MACROH2A2: variants seen among roughly 807,000 people sequenced by gnomAD.
MACROH2A2 encodes the protein core histone macro-H2A.2.
Under a neutral mutation model 37.6 loss-of-function variants are expected in MACROH2A2, and 6 were observed. The ratio of observed to expected loss-of-function variants is 0.16; its 90% CI spans 0.09 to 0.32. The LOEUF is 0.32. MACROH2A2 is among the 10% of genes least tolerant of loss of function. The pLI, the probability that MACROH2A2 is intolerant of heterozygous loss-of-function variation, is 1.00. For missense variants in MACROH2A2, 290 were observed against 485.9 expected (o/e 0.60, Z 3.79); for synonymous variants, 192 against 202.7 (o/e 0.95, Z 0.45).
At chr10:70,074,741 A>C (rs1050229435) in intron 1 of MACROH2A2, among the ~76,000 whole-genome samples, 1 of 152,208 alleles carries the variant, frequency 6.6e-6, no homozygotes, top group Non-Finnish European at 1.5e-5. Flanking sequence ...GTCTACTGCC[A>C]TATAAGACGT....
Position 70,053,853 on chromosome 10 carries a change from A to G in MACROH2A2, c.-60+853A>G, listed in dbSNP as rs1424934388. Among the ~76,000 whole-genome samples, 4 of 152,200 alleles carry G rather than the reference A, an allele frequency of 2.6e-5. No individual in the cohort carries two copies. In the East Asian group the frequency reaches 7.8e-4, roughly 30 times the overall value. On this transcript the variant is annotated intron_variant, in intron 1 of 8. Coordinates refer to ENST00000373255, the MANE Select transcript of MACROH2A2 (RefSeq NM_018649.3). The surrounding 1 kb of genome is among the most constrained non-coding windows in gnomAD (Gnocchi z 4.8). ...ATAATAATAATAAAAATATCGAAAA[A>G]GGGAATAAAAGTAAACTGGCTGCGG...
At chr10:70,092,648 AG>A (rs1404337204) in intron 4 of MACROH2A2, among the ~76,000 whole-genome samples, 2 of 152,196 alleles carry the variant, frequency 1.3e-5, no homozygotes, top group Non-Finnish European at 2.9e-5. Context: ...TACAGGTAAA[AG>A]AATAAAGGGC....
chr10:70,095,824 A>G, intron 6 of MACROH2A2, 71 bp downstream of exon 6: 2 of 759,538 alleles, frequency 2.6e-6, no homozygotes, highest in Non-Finnish European at 2.4e-6. Context: ...TGTGAAGCTG[A>G]TCATTGTCAA....
At chr10:70,092,012 T>G (rs2072248265) in intron 4 of MACROH2A2, 58 bp downstream of exon 4, 3 of 1,355,040 alleles carry the variant, frequency 2.2e-6, no homozygotes, top group Non-Finnish European at 3.1e-6. Context: ...TCTGAATGTC[T>G]GTGTTCCCCC....
chr10:70,089,085 C>G (rs2072228186), intron 2 of MACROH2A2, among the ~76,000 whole-genome samples: 1 of 152,184 alleles, frequency 6.6e-6, no homozygotes, highest in Non-Finnish European at 1.5e-5. Flanking sequence ...GCCTGGGCAA[C>G]AGAACGAGCA....
chr10:70,096,089 C>CCCTCGGCCTCCTCCTTTGGCCCTG (rs2072274994), intron 6 of MACROH2A2, among the ~76,000 whole-genome samples: 1 of 152,158 alleles, frequency 6.6e-6, no homozygotes, highest in Non-Finnish European at 1.5e-5. Context: ...AGCCCCACTC[C>CCCTCGGCCTCCTCCTTTGGCCCTG]CAGTCAGTAT....
chr10:70,097,681 A>G (rs913970782), intron 6 of MACROH2A2, among the ~76,000 whole-genome samples: 11 of 152,204 alleles, frequency 7.2e-5, no homozygotes, highest in African/African-American at 2.7e-4. Context: ...ATATTTCACA[A>G]TGACTTGTAA....
chr10:70,109,131 A>G lies in MACROH2A2; in HGVS notation c.877A>G (p.Thr293Ala), dbSNP rs749738000. 1.2e-6 allele frequency: 2 copies of G among 1,614,120 alleles called. No homozygotes were observed. Among genetic ancestry groups the G allele is most frequent in the South Asian group, 1.1e-5 (1 of 91,078 alleles). The change falls in exon 8 of 9, where the codon ACC becomes GCC. Residue 293 changes from threonine (T) to alanine (A), a missense_variant. This residue lies in a region of MACROH2A2 where 130 missense variants were observed against 257.1 expected (regional missense o/e 0.51). Coordinates refer to ENST00000373255, the MANE Select transcript of MACROH2A2 (RefSeq NM_018649.3). The part of the protein sequence containing the change: ...SDKCEEQLEE[T>A]IKNCLSAAED... ...CAAATGTGAAGAACAGCTTGAAGAG[A>G]CCATCAAAAACTGCCTGTCAGCGGC...
intron 2 of MACROH2A2, among the ~76,000 whole-genome samples, chr10:70,081,733 C>T (rs997459914): frequency 2.6e-5 from 4 of 152,038 alleles, no homozygotes; most frequent in Admixed American, 2.6e-4. Flanking sequence ...ACTCTTCACA[C>T]TCAAAGTAGT....
In MACROH2A2 at chr10:70,107,738, C is replaced by A. The variant is rs1247760075; in HGVS notation, c.779-1295C>A. 6.6e-6 allele frequency among the ~76,000 whole-genome samples: 1 copy of A among 152,210 alleles called. No homozygotes were observed. Among genetic ancestry groups the A allele is most frequent in the Non-Finnish European group, 1.5e-5 (1 of 68,040 alleles). On this transcript the variant is annotated intron_variant, in intron 7 of 8. Coordinates refer to ENST00000373255, the MANE Select transcript of MACROH2A2 (RefSeq NM_018649.3). The surrounding 1 kb of genome is among the most constrained non-coding windows in gnomAD (Gnocchi z 4.4). ...CCCGCTTTTGAAACCCCACTCTCTG[C>A]AGGGCATGTGGAGATCATCAAATGG...
intron 2 of MACROH2A2, among the ~76,000 whole-genome samples, chr10:70,081,381 C>T (rs995577277): frequency 6.6e-6 from 1 of 151,948 alleles, no homozygotes; most frequent in Admixed American, 6.6e-5. Context: ...TGTGTTAAGG[C>T]AGTGGAAGTG....
chr10:70,084,927 A>G (rs999442678), intron 2 of MACROH2A2, among the ~76,000 whole-genome samples: 1 of 152,142 alleles, frequency 6.6e-6, no homozygotes, highest in African/African-American at 2.4e-5. Flanking sequence ...AAAGGTACCT[A>G]TTGGGTCACC....
intron 4 of MACROH2A2, among the ~76,000 whole-genome samples, chr10:70,093,440 C>T (rs1289578502): frequency 2.0e-5 from 3 of 152,142 alleles, no homozygotes; most frequent in Non-Finnish European, 4.4e-5. Context: ...TGCTTGTCGT[C>T]GTGAGCTGCA....
rs552262319 is a variant in MACROH2A2 at position 70,102,010 on chromosome 10, C to T, written c.778+1713C>T. ...CAACTTTTTGACAGGTGGATTCAAC[C>T]TCAGATCCATGTTCCCACCCACATG... On this transcript the variant is annotated intron_variant, in intron 7 of 8. Coordinates refer to ENST00000373255, the MANE Select transcript of MACROH2A2 (RefSeq NM_018649.3). Among the ~76,000 whole-genome samples, 31 of 152,308 alleles carry T rather than the reference C, an allele frequency of 2.0e-4. No individual in the cohort carries two copies. The South Asian group carries it at 6.2e-3, about 31-fold the overall frequency.
intron 2 of MACROH2A2, among the ~76,000 whole-genome samples, chr10:70,082,491 G>A (rs187523824): frequency 6.6e-6 from 1 of 152,096 alleles, no homozygotes; most frequent in Non-Finnish European, 1.5e-5. Flanking sequence ...GTGCAACCAT[G>A]TTCTTAGCAG....
intron 2 of MACROH2A2, among the ~76,000 whole-genome samples, chr10:70,083,932 A>G (rs1262495731): frequency 6.6e-6 from 1 of 151,788 alleles, no homozygotes; most frequent in African/African-American, 2.4e-5. Flanking sequence ...ACAAGCCCCA[A>G]ATTCTGCAGT....
chr10:70,093,174 C>A (rs1305053820), intron 4 of MACROH2A2, among the ~76,000 whole-genome samples: 1 of 152,100 alleles, frequency 6.6e-6, no homozygotes, highest in African/African-American at 2.4e-5. Flanking sequence ...GGCACACAAG[C>A]CAAGGCTATT....
chr10:70,069,814 C>T (rs2072099050), intron 1 of MACROH2A2, among the ~76,000 whole-genome samples: 1 of 151,698 alleles, frequency 6.6e-6, no homozygotes, highest in Non-Finnish European at 1.5e-5. Context: ...TGGATAAAAA[C>T]CCATTCAAGT....
chr10:70,061,787 G>C lies in MACROH2A2; in HGVS notation c.-60+8787G>C, dbSNP rs183338764. 2.6e-5 allele frequency among the ~76,000 whole-genome samples: 4 copies of C among 152,324 alleles called. No individual in the cohort carries two copies. In the East Asian group the frequency reaches 7.7e-4, roughly 29 times the overall value. On this transcript the variant is annotated intron_variant, in intron 1 of 8. Coordinates refer to ENST00000373255, the MANE Select transcript of MACROH2A2 (RefSeq NM_018649.3). ...ATTAATGCTTGGTTCTAACATTCAT[G>C]GTTGGTTAATTTGGTTAATTTGATC... is the stretch of plus-strand genomic sequence containing the variant.
Sources: allele counts gnomAD v4.1 joint callset (sites outside exome capture counted in the v4.1 genomes callset), GRCh38; gene constraint gnomAD v4.1.1; regional missense constraint gnomAD v4.1.1; non-coding constraint Gnocchi (gnomAD v3.1); transcripts MANE v1.5; gene names NCBI Gene and HGNC (gene_info 2026-07-23, HGNC 2026-07-21).